Variants in PRIM2 observed in about 807,000 individuals in gnomAD.
The protein encoded by PRIM2 is DNA primase large subunit.
Under a neutral mutation model 67.3 loss-of-function variants are expected in PRIM2, and 39 were observed. That is an observed-to-expected ratio of 0.58 (90% confidence interval 0.45 to 0.76). The LOEUF is 0.76. Among genes scored for constraint, PRIM2 ranks in the 30% least tolerant of loss-of-function variants. PRIM2 has a pLI of 0.00. For missense variants in PRIM2, 398 were observed against 598.7 expected, an observed-to-expected ratio of 0.66 and a Z score of 3.50; for synonymous variants, 143 against 198.7, an observed-to-expected ratio of 0.72 and a Z score of 2.36.
the PRIM2 span, among the ~76,000 whole-genome samples, chr6:57,298,895 C>A: frequency 6.6e-6 from 1 of 152,118 alleles, no homozygotes; most frequent in South Asian, 2.1e-4. Context: ...CTGCCTCCCC[C>A]ACCCTATTCT....
the PRIM2 span, among the ~76,000 whole-genome samples, chr6:57,308,046 TTGTA>T: frequency 1.3e-5 from 2 of 152,212 alleles, no homozygotes; most frequent in East Asian, 3.8e-4. Flanking sequence ...CTTACTGTAA[TTGTA>T]GTAGTTCATT....
chr6:57,320,369 G>A, intron 2 of PRIM2, 88 bp from the exon 3 acceptor site: 1 of 836,500 alleles, frequency 1.2e-6, no homozygotes, highest in South Asian at 1.8e-5. Flanking sequence ...CTGTAAACAA[G>A]TAATTATGGA....
chr6:57,408,098 G>A (rs1248999607), intron 7 of PRIM2, among the ~76,000 whole-genome samples: 1 of 152,200 alleles, frequency 6.6e-6, no homozygotes, highest in African/African-American at 2.4e-5. Context: ...CCCCACTTTG[G>A]ATACGTGTTG....
the PRIM2 span, among the ~76,000 whole-genome samples, chr6:57,280,668 C>T: frequency 1.3e-5 from 2 of 152,106 alleles, no homozygotes; most frequent in African/African-American, 4.8e-5. Context: ...TGCTACCACG[C>T]CTGGCTAATC....
intron 7 of PRIM2, among the ~76,000 whole-genome samples, chr6:57,499,587 C>T (rs1222697791): frequency 1.3e-5 from 2 of 152,136 alleles, no homozygotes; most frequent in Non-Finnish European, 2.9e-5. Context: ...CCCTTTGGTC[C>T]TTCAGTCATA....
intron 10 of PRIM2, among the ~76,000 whole-genome samples, chr6:57,560,567 A>G (rs1431388266): frequency 2.6e-5 from 4 of 151,226 alleles, no homozygotes; most frequent in African/African-American, 9.7e-5. Context: ...ATCTATGGCA[A>G]TGATATCCTA....
intron 7 of PRIM2, among the ~76,000 whole-genome samples, chr6:57,420,187 T>A (rs1414756599): frequency 6.6e-6 from 1 of 152,176 alleles, no homozygotes; most frequent in Non-Finnish European, 1.5e-5. Flanking sequence ...AGTTCCTCTT[T>A]TGAGCCTGGA....
chr6:57,483,972 G>T (rs1284431065), intron 7 of PRIM2, among the ~76,000 whole-genome samples: 1 of 152,090 alleles, frequency 6.6e-6, no homozygotes, highest in African/African-American at 2.4e-5. Context: ...AAATAAAGTG[G>T]CCTGAGTTTG....
chr6:57,335,277 G>T (rs1456985041), intron 5 of PRIM2, among the ~76,000 whole-genome samples: 1 of 152,274 alleles, frequency 6.6e-6, no homozygotes, highest in African/African-American at 2.4e-5. Flanking sequence ...CAGCAGCGAG[G>T]CTGGGGGAGG....
At chr6:57,422,384 G>C (rs1771494988) in intron 7 of PRIM2, among the ~76,000 whole-genome samples, 1 of 151,654 alleles carries the variant, frequency 6.6e-6, no homozygotes, top group Admixed American at 6.6e-5. Context: ...TGATCCTCCC[G>C]CCTTGGCCTC....
intron 7 of PRIM2, among the ~76,000 whole-genome samples, chr6:57,504,495 A>G (rs1185014210): frequency 3.3e-5 from 5 of 152,218 alleles, no homozygotes; most frequent in Admixed American, 2.0e-4. Flanking sequence ...AGTTTTAATA[A>G]TGAAAGGACA....
intron 7 of PRIM2, among the ~76,000 whole-genome samples, chr6:57,396,800 G>A (rs1354853848): frequency 9.2e-5 from 14 of 152,086 alleles, no homozygotes; most frequent in Non-Finnish European, 2.1e-4. Flanking sequence ...GTTTTGATGT[G>A]TTTCCAGGAT....
At chr6:57,272,532 G>A in the PRIM2 span, among the ~76,000 whole-genome samples, 2 of 152,264 alleles carry the variant, frequency 1.3e-5, no homozygotes, top group East Asian at 3.9e-4. Context: ...CTACACATGA[G>A]ATGGGTTTCC....
In PRIM2 at chr6:57,549,941, C is replaced by T. The variant is rs1453561823; in HGVS notation, c.1020+12316C>T. 1.4e-3 allele frequency among the ~76,000 whole-genome samples: 211 copies of T among 152,166 alleles called. 5 individuals are homozygous for T. The East Asian group carries it at 0.019, about 14-fold the overall frequency. ...TCTCTACTAAAAAGACAAAATTAGC[C>T]AGGTATGCTGGTACATACCTGTAAT... is the stretch of plus-strand genomic sequence containing the variant. On this transcript the variant is annotated intron_variant, in intron 10 of 13. Transcript: ENST00000615550.
the PRIM2 span, among the ~76,000 whole-genome samples, chr6:57,307,870 T>A: frequency 6.6e-6 from 1 of 152,252 alleles, no homozygotes; most frequent in South Asian, 2.1e-4. Context: ...AGCACAGAAA[T>A]CTGTTTATAT....
At chr6:57,222,573 C>A in the PRIM2 span, among the ~76,000 whole-genome samples, 1 of 152,222 alleles carries the variant, frequency 6.6e-6, no homozygotes. Flanking sequence ...CGGACACCTA[C>A]CTTATTTTCT....
At position 57,604,452 on chromosome 6, in the gene PRIM2, T is replaced by C. The variant is rs1392248949; in HGVS notation, c.1148-1923T>C. On this transcript the variant is annotated intron_variant, in intron 11 of 13. Transcript: ENST00000615550. Reference sequence around the variant, plus strand: ...ACTTCTTTTCCTATTTGGATGGCTTTTATTTCTTTCTTTTGCCTGATTGCT... The same window carrying C: ...ACTTCTTTTCCTATTTGGATGGCTTCTATTTCTTTCTTTTGCCTGATTGCT... Among the ~76,000 whole-genome samples the C allele has an allele frequency of 1.4e-3, 212 of 152,224 alleles. 5 individuals are homozygous for C. In the East Asian group the frequency reaches 0.019, roughly 14 times the overall value.
intron 10 of PRIM2, among the ~76,000 whole-genome samples, chr6:57,539,858 G>T (rs1775108142): frequency 6.6e-6 from 1 of 151,962 alleles, no homozygotes; most frequent in Non-Finnish European, 1.5e-5. Context: ...ACTGGGCGTG[G>T]TGGCAGGTGC....
At chr6:57,543,231 G>T (rs1207419314) in intron 10 of PRIM2, among the ~76,000 whole-genome samples, 1 of 152,044 alleles carries the variant, frequency 6.6e-6, no homozygotes, top group African/African-American at 2.4e-5. Context: ...GAGCCACCGC[G>T]CCCGGCCAGG....
Sources: gnomAD v4.1 joint callset for allele counts (sites outside exome capture counted in the v4.1 genomes callset) on GRCh38, gnomAD v4.1.1 for gene constraint, MANE v1.5 for transcripts, NCBI Gene and HGNC (gene_info 2026-07-23, HGNC 2026-07-21) for gene names.